PFKL: variants seen among roughly 807,000 people sequenced by gnomAD.
PFKL encodes ATP-dependent 6-phosphofructokinase, liver type.
Under a neutral mutation model 92.1 loss-of-function variants are expected in PFKL, and 74 were observed. The observed-to-expected ratio is 0.80, with a 90% CI of 0.67 to 0.97. The LOEUF is 0.97. Ranked by LOEUF, PFKL falls within the 50% of genes least tolerant of loss-of-function variation. The probability of loss-of-function intolerance (pLI) is 0.00; values close to 1 mark genes in which losing one functional copy is unlikely to be tolerated. For missense variants in PFKL, 1,028 were observed against 1,116.6 expected, an observed-to-expected ratio of 0.92 and a Z score of 1.13; for synonymous variants, 494 against 456.4, an observed-to-expected ratio of 1.08 and a Z score of -1.05.
At chr21:44,323,940 G>A in intron 16 of PFKL, 22 bp downstream of exon 16, 18 of 1,612,468 alleles carry the variant, frequency 1.1e-5, no homozygotes, top group Non-Finnish European at 1.5e-5. Context: ...CTGGACACCG[G>A]CCTGCCATGC....
rs765334553 is a variant in PFKL at position 44,324,494 on chromosome 21, T to C, written c.1654T>C (p.Cys552Arg). Reference protein sequence around the residue: ...DTAVNAAMESCDRIKQSASGT... With the variant: ...DTAVNAAMESRDRIKQSASGT... The stretch of plus-strand genomic sequence containing the variant: ...CCGACCCCCCCTTGTCCCCCAGAGC[T>C]GTGACCGCATCAAACAGTCTGCCTC... Residue 552 changes from cysteine to arginine, a missense_variant, in exon 17 of 22, where the codon TGT (cysteine) becomes CGT (arginine). Cys to Arg is a radical substitution (Grantham distance 180, BLOSUM62 -3). Transcript: ENST00000349048. The C allele has an allele frequency of 1.9e-6, 3 of 1,613,112 alleles. No individual in the cohort carries two copies. The highest frequency in any genetic ancestry group is 2.5e-6 in the Non-Finnish European group (3 of 1,179,806).
In PFKL at chr21:44,325,229, G is replaced by T. The variant is rs760398671; in HGVS notation, c.1954G>T (p.Asp652Tyr). 1 of 1,612,684 alleles carries T rather than the reference G, an allele frequency of 6.2e-7. No homozygotes were observed. The highest frequency in any genetic ancestry group is 1.1e-5 in the South Asian group (1 of 91,062). The change falls in exon 19 of 22, where the codon GAC becomes TAC. Residue 652 changes from aspartate (D) to tyrosine (Y), a missense_variant. Asp to Tyr is a radical substitution (Grantham distance 160, BLOSUM62 -3). Transcript: ENST00000349048. ...LYSSEGKGVF[D>Y]CRTNVLGHLQ... ...CTCATCAGAGGGCAAGGGCGTCTTC[G>T]ACTGCAGGACCAATGTCCTGGGCCA... is the stretch of plus-strand genomic sequence containing the variant.
rs371368298 is a variant in PFKL at position 44,326,080 on chromosome 21, C to T, written c.2089+20C>T. On this transcript the variant is annotated intron_variant, in intron 20 of 21. Transcript: ENST00000349048. ...GCAAGGGTAGGTGGTGGGTGCGACC[C>T]GAGGCCTCACTTTGCCCTCCCCTGG... 41 of 1,609,784 alleles carry T rather than the reference C, an allele frequency of 2.5e-5. No homozygotes were observed. The highest frequency in any genetic ancestry group is 1.7e-4 in the Middle Eastern group (1 of 6,048).
rs748860772 is a variant in PFKL, at chr21:44,312,155, G to C, written c.288G>C (p.Glu96Asp). Reference sequence around the variant, plus strand: ...GCTGCAAGGCCTTTACCACCAGGGAGGGGCGCCGGGCAGCGGCCTACAACC... The same window carrying C: ...GCTGCAAGGCCTTTACCACCAGGGACGGGCGCCGGGCAGCGGCCTACAACC... ...SARCKAFTTREGRRAAAYNLV... is the reference protein window; with the variant it reads ...SARCKAFTTRDGRRAAAYNLV... Residue 96 changes from glutamate (E) to aspartate (D), a missense_variant, in exon 4 of 22, where the codon GAG becomes GAC. Glu to Asp is a conservative substitution (Grantham distance 45). Transcript: ENST00000349048. 5.7e-6 allele frequency: 9 copies of C among 1,590,396 alleles called. No homozygotes were observed. The South Asian group carries it at 1.0e-4, about 18-fold the overall frequency.
intron 5 of PFKL, 50 bp downstream of exon 5, chr21:44,313,193 C>G: frequency 6.3e-7 from 1 of 1,589,694 alleles, no homozygotes; most frequent in South Asian, 1.1e-5. Context: ...CCTCCCCGCA[C>G]GGTGGTGAGG....
chr21:44,305,930 TG>T lies in PFKL; in HGVS notation c.86-745del, dbSNP rs762666076. The T allele has an allele frequency of 1.5e-5, 20 of 1,361,214 alleles. No homozygotes were observed. In the Admixed American group the frequency reaches 1.9e-4, roughly 13 times the overall value. 84.3% of individuals were successfully genotyped at this position (1,361,214 alleles called of 1,614,324 possible). On this transcript the variant is annotated intron_variant, in intron 1 of 21. Coordinates refer to ENST00000349048, the MANE Select transcript of PFKL (RefSeq NM_002626.6). Reference sequence around the variant, plus strand: ...GGTGGCACCAGCATCATGTCCAGGCTGGGGGGTGAGGGTCCCTGAGGCCCTG... The same window carrying T: ...GGTGGCACCAGCATCATGTCCAGGCTGGGGGTGAGGGTCCCTGAGGCCCTG...
rs1049709703 is a variant in PFKL at position 44,316,451 on chromosome 21, G to A, written c.863G>A (p.Gly288Asp). The A allele has an allele frequency of 1.2e-6, 2 of 1,611,796 alleles. No homozygotes were observed. The highest frequency in any genetic ancestry group is 2.7e-5 in the African/African-American group (2 of 74,902). ...CTGCAGCTGGTGGTTCAGAGGCTGG[G>A]CTTCGACACCCGTGTAACTGTGCTG... Reference protein sequence around the residue: ...YVKDLVVQRLGFDTRVTVLGH... With the variant: ...YVKDLVVQRLDFDTRVTVLGH... Residue 288 changes from glycine (G) to aspartate (D), a missense_variant, in exon 9 of 22, where the codon GGC (glycine) becomes GAC (aspartate). By Grantham distance (94) the Gly-to-Asp change is moderately conservative. Coordinates refer to ENST00000349048, the MANE Select transcript of PFKL (RefSeq NM_002626.6).
At position 44,321,822 on chromosome 21, in the gene PFKL, GGA is replaced by G. The variant is rs756055097; in HGVS notation, c.1286_1287del (p.Gly429AlafsTer70). 2 of 1,601,574 alleles carry G rather than the reference GGA, an allele frequency of 1.2e-6. No homozygotes were observed. Among genetic ancestry groups the G allele is most frequent in the Non-Finnish European group, 1.7e-6 (2 of 1,173,748 alleles). ...RSAVRTGISH[G>X]HTVYVVHDGF... ...GGCGGTGCGGACCGGCATCTCCCATGGACACACAGTATACGTGGTGCACGATG... is the reference window on the plus strand; with the variant it reads ...GGCGGTGCGGACCGGCATCTCCCATGCACACAGTATACGTGGTGCACGATG... On this transcript the variant is annotated frameshift_variant, in exon 13 of 22. Transcript: ENST00000349048. LOFTEE classifies it high-confidence loss of function.
At position 44,312,162 on chromosome 21, in the gene PFKL, C is replaced by A. The variant is rs772061560; in HGVS notation, c.295C>A (p.Arg99=). 1.3e-6 allele frequency: 2 copies of A among 1,593,496 alleles called. No individual in the cohort carries two copies. Among genetic ancestry groups the A allele is most frequent in the Admixed American group, 3.5e-5 (2 of 57,544 alleles). The stretch of plus-strand genomic sequence containing the variant: ...GGCCTTTACCACCAGGGAGGGGCGC[C>A]GGGCAGCGGCCTACAACCTGGTCCA... The part of the protein sequence containing the change: ...CKAFTTREGR[R]AAAYNLVQHG... The change falls in exon 4 of 22, where the codon CGG becomes AGG. Residue 99 remains arginine (R), a synonymous_variant. Transcript: ENST00000349048.
At chr21:44,305,893 A>C (rs1192475760) in intron 1 of PFKL, 1 of 1,364,896 alleles carries the variant, frequency 7.3e-7, no homozygotes, top group East Asian at 4.6e-5. Flanking sequence ...AGAGGAAGTG[A>C]CCTCAGAGCC....
At chr21:44,305,361 C>T (rs375963893) in intron 1 of PFKL, 39 of 1,362,202 alleles carry the variant, frequency 2.9e-5, no homozygotes, top group African/African-American at 7.5e-5. Flanking sequence ...AGAGTCCTCT[C>T]GTGGGGGTCT....
intron 9 of PFKL, among the ~76,000 whole-genome samples, chr21:44,317,347 G>A (rs1201600354): frequency 1.3e-5 from 2 of 152,166 alleles, no homozygotes; most frequent in African/African-American, 2.4e-5. Flanking sequence ...ACAGCTGGAC[G>A]AGGGCCACTC....
At chr21:44,305,938 G>T in intron 1 of PFKL, 1 of 1,357,056 alleles carries the variant, frequency 7.4e-7, no homozygotes, top group Non-Finnish European at 9.8e-7. Context: ...GCTGGGGGGT[G>T]AGGGTCCCTG....
rs373002170 is a variant in PFKL, at chr21:44,313,717, G to A, written c.638+35G>A. ...GGCTTCCTGGCCCGCTGGGTGGCCC[G>A]GGTGCTGCTGGGGACCGCAGTGACA... On this transcript the variant is annotated intron_variant, in intron 6 of 21. Coordinates refer to ENST00000349048, the MANE Select transcript of PFKL (RefSeq NM_002626.6). The A allele has an allele frequency of 8.1e-5, 129 of 1,592,506 alleles. No individual in the cohort carries two copies. In the African/African-American group the frequency reaches 1.4e-3, roughly 17 times the overall value.
chr21:44,316,717 G>A (rs528869149), intron 9 of PFKL, among the ~76,000 whole-genome samples, 193 bp downstream of exon 9: 1 of 151,994 alleles, frequency 6.6e-6, no homozygotes, highest in South Asian at 2.1e-4. Flanking sequence ...TGTGTGTCTG[G>A]TCCGTGTGGG....
chr21:44,322,940 G>A (rs777150537), intron 14 of PFKL, 22 bp from the exon 15 acceptor site: 6 of 1,579,010 alleles, frequency 3.8e-6, no homozygotes, highest in Non-Finnish European at 2.6e-6. Flanking sequence ...GCGTGTTCAT[G>A]CGGATGTGTC....
intron 1 of PFKL, among the ~76,000 whole-genome samples, chr21:44,302,540 C>G (rs2040807787): frequency 6.6e-6 from 1 of 152,146 alleles, no homozygotes; most frequent in African/African-American, 2.4e-5. Flanking sequence ...CACTGCCTTC[C>G]TAGAAAGGCT....
Position 44,324,877 on chromosome 21 carries a change from GAGA to G in PFKL, c.1841_1843del (p.Lys614del). 2 of 1,609,176 alleles carry G rather than the reference GAGA, an allele frequency of 1.2e-6. No homozygotes were observed. The highest frequency in any genetic ancestry group is 1.1e-5 in the South Asian group (1 of 90,592). ...GCAGGTCAACGTGGAGCACATGACGGAGAAGATGAAGACAGACATTCAGAGGGG... is the reference window on the plus strand; with the variant it reads ...GCAGGTCAACGTGGAGCACATGACGGAGATGAAGACAGACATTCAGAGGGG... On this transcript the variant is annotated inframe_deletion, in exon 18 of 22. Coordinates refer to ENST00000349048, the MANE Select transcript of PFKL (RefSeq NM_002626.6).
At chr21:44,303,379 C>G (rs1877440284) in intron 1 of PFKL, among the ~76,000 whole-genome samples, 1 of 140,442 alleles carries the variant, frequency 7.1e-6, no homozygotes, top group East Asian at 2.1e-4. Flanking sequence ...CCACTGCACT[C>G]CAGCCTGGGT....
Sources: allele counts gnomAD v4.1 joint callset (sites outside exome capture counted in the v4.1 genomes callset), GRCh38; gene constraint gnomAD v4.1.1; transcripts MANE v1.5; gene names NCBI Gene and HGNC (gene_info 2026-07-23, HGNC 2026-07-21).